MYBPC1: variants seen among roughly 807,000 people sequenced by gnomAD.
MYBPC1 encodes the protein myosin binding protein C1.
A neutral mutation model predicts 147.1 loss-of-function variants in MYBPC1; 52 were observed. The ratio of observed to expected loss-of-function variants is 0.35; its 90% CI spans 0.28 to 0.45. MYBPC1 has a LOEUF of 0.45. MYBPC1 is among the 20% of genes least tolerant of loss of function. MYBPC1 has a pLI of 1.00. For synonymous variants in MYBPC1, 477 were observed against 475.9 expected (o/e 1.00, Z -0.03); for missense variants, 1,228 against 1,440.3 (o/e 0.85, Z 2.39).
chr12:101,617,666 G>A (rs1886442130), intron 3 of MYBPC1, among the ~76,000 whole-genome samples: 1 of 152,128 alleles, frequency 6.6e-6, no homozygotes, highest in Admixed American at 6.5e-5. Flanking sequence ...TTGAAGGCTA[G>A]CATCTCACTT....
At chr12:101,624,163 C>T (rs1888033105) in intron 3 of MYBPC1, among the ~76,000 whole-genome samples, 4 of 152,066 alleles carry the variant, frequency 2.6e-5, no homozygotes, top group Admixed American at 2.6e-4. Context: ...AGAGAGCTTC[C>T]TGTTAAGAAT....
Position 101,685,812 on chromosome 12 carries a change from A to C in MYBPC1, c.*250A>C. On this transcript the variant is annotated 3_prime_UTR_variant, in exon 32 of 32. Transcript: ENST00000361466. ...TTTCTTTCCTCCTAATGTTGAAGAG[A>C]AAAAAAAAAAAAAAAGTTTGCCCAG... is the stretch of plus-strand genomic sequence containing the variant. The C allele has an allele frequency of 7.4e-6, 1 of 134,648 alleles. No homozygotes were observed. Among genetic ancestry groups the C allele is most frequent in the Non-Finnish European group, 1.3e-5 (1 of 78,822 alleles). 8.3% of individuals were successfully genotyped at this position (134,648 alleles called of 1,614,324 possible).
intron 18 of MYBPC1, among the ~76,000 whole-genome samples, chr12:101,659,324 T>C (rs890685900): frequency 2.0e-5 from 3 of 152,226 alleles, no homozygotes; most frequent in Non-Finnish European, 4.4e-5. Context: ...CTTGTATTTT[T>C]AGTCCTCCAA....
chr12:101,688,907 C>T (rs12372130), downstream of MYBPC1, among the ~76,000 whole-genome samples: 5,178 of 145,272 alleles, frequency 0.036, 156 homozygotes, highest in South Asian at 0.14. Context: ...GAGCTGAGAT[C>T]GCACCACTGC....
chr12:101,613,299 T>C (rs115820446), intron 1 of MYBPC1, among the ~76,000 whole-genome samples: 1,913 of 152,312 alleles, frequency 0.013, 36 homozygotes, highest in African/African-American at 0.044. Flanking sequence ...TGGTGACTGT[T>C]CAGCCAAACT....
intron 5 of MYBPC1, among the ~76,000 whole-genome samples, chr12:101,628,504 T>C (rs1889142560): frequency 6.6e-6 from 1 of 152,214 alleles, no homozygotes; most frequent in African/African-American, 2.4e-5. Flanking sequence ...CAAGCATGAT[T>C]GATACATGAA....
intron 3 of MYBPC1, among the ~76,000 whole-genome samples, chr12:101,626,292 G>C (rs1291769666): frequency 6.6e-6 from 1 of 151,828 alleles, no homozygotes; most frequent in Non-Finnish European, 1.5e-5. Flanking sequence ...AATACATATG[G>C]GTAAATATTC....
chr12:101,641,988 A>G (rs549126709), intron 10 of MYBPC1, among the ~76,000 whole-genome samples: 1 of 152,316 alleles, frequency 6.6e-6, no homozygotes, highest in African/African-American at 2.4e-5. Context: ...AATAGAGATC[A>G]TTTTTATTTC....
At chr12:101,622,278 A>C (rs1051864366) in intron 3 of MYBPC1, among the ~76,000 whole-genome samples, 14 of 152,230 alleles carry the variant, frequency 9.2e-5, no homozygotes, top group Non-Finnish European at 2.9e-5. Context: ...CTAGCAATAG[A>C]ACCTGGTTTC....
chr12:101,677,437 G>C (rs369259176), intron 27 of MYBPC1, 43 bp downstream of exon 27: 7 of 1,609,648 alleles, frequency 4.3e-6, no homozygotes, highest in Non-Finnish European at 5.9e-6. Context: ...TTGGTTGACA[G>C]TGACCAGACA....
At chr12:101,617,530 G>C (rs192409873) in intron 3 of MYBPC1, among the ~76,000 whole-genome samples, 3 of 152,156 alleles carry the variant, frequency 2.0e-5, no homozygotes, top group Admixed American at 2.0e-4. Context: ...TGCATGCTAA[G>C]AAAGAGAGGT....
rs201216780 is a variant in MYBPC1 at position 101,617,225 on chromosome 12, G to A, written c.85G>A (p.Gly29Arg). The A allele has an allele frequency of 2.7e-5, 44 of 1,613,568 alleles. No homozygotes were observed. Among genetic ancestry groups the A allele is most frequent in the Middle Eastern group, 1.6e-4 (1 of 6,082 alleles). The change falls in exon 3 of 32, where the codon GGA (glycine) becomes AGA (arginine). Residue 29 changes from glycine (G) to arginine (R), a missense_variant. Gly to Arg is a moderately radical substitution (Grantham distance 125). This residue lies in a region of MYBPC1 where 151 missense variants were observed against 126.1 expected (regional missense o/e 1.20). Coordinates refer to ENST00000361466, the MANE Select transcript of MYBPC1 (RefSeq NM_002465.4). ...AGAACCAAGTAAAGAGAAGGAGGCC[G>A]GAACTACACCAGCAAAAGGTGAGTT... Reference protein sequence around the residue: ...PEEPSKEKEAGTTPAKDEEEV... With the variant: ...PEEPSKEKEARTTPAKDEEEV...
intron 23 of MYBPC1, among the ~76,000 whole-genome samples, 176 bp from the exon 24 acceptor site, chr12:101,670,145 A>T (rs1161027971): frequency 6.6e-6 from 1 of 151,792 alleles, no homozygotes; most frequent in Non-Finnish European, 1.5e-5. Flanking sequence ...ACACACACAC[A>T]CACACACACA....
chr12:101,670,172 A>G (rs1898326149), intron 23 of MYBPC1, 149 bp from the exon 24 acceptor site: 2 of 739,514 alleles, frequency 2.7e-6, no homozygotes, highest in South Asian at 1.4e-5. Context: ...ACCAGTTACT[A>G]TATATCGTCT....
At chr12:101,672,250 G>A (rs1898894652) in intron 24 of MYBPC1, among the ~76,000 whole-genome samples, 2 of 152,202 alleles carry the variant, frequency 1.3e-5, no homozygotes, top group Admixed American at 1.3e-4. Context: ...CTCTGAAGCA[G>A]GGGTTTGGTG....
intron 3 of MYBPC1, among the ~76,000 whole-genome samples, chr12:101,619,032 T>C (rs1006573689): frequency 2.0e-5 from 3 of 152,050 alleles, no homozygotes; most frequent in South Asian, 2.1e-4. Flanking sequence ...TTATAATAAA[T>C]ATACAGTCCT....
At chr12:101,669,293 C>T (rs1898079021) in intron 23 of MYBPC1, among the ~76,000 whole-genome samples, 1 of 152,174 alleles carries the variant, frequency 6.6e-6, no homozygotes, top group Non-Finnish European at 1.5e-5. Context: ...ACAGAAGCTC[C>T]ACTTTTACTT....
chr12:101,627,963 A>G (rs1489197385), intron 5 of MYBPC1, 159 bp downstream of exon 5: 3 of 832,030 alleles, frequency 3.6e-6, no homozygotes, highest in Admixed American at 2.2e-5. Context: ...AAACTAATGT[A>G]TTGAGAAACA....
chr12:101,673,741 T>C (rs1899228080), intron 25 of MYBPC1, 119 bp downstream of exon 25: 1 of 1,121,262 alleles, frequency 8.9e-7, no homozygotes, highest in South Asian at 1.3e-5. Context: ...ACTCTTTTTT[T>C]AGATTTATTT....
Sources: gnomAD v4.1 joint callset for allele counts (sites outside exome capture counted in the v4.1 genomes callset) on GRCh38, gnomAD v4.1.1 for gene constraint, gnomAD v4.1.1 regional missense constraint, MANE v1.5 for transcripts, NCBI Gene and HGNC (gene_info 2026-07-23, HGNC 2026-07-21) for gene names.